The following SYNGR1 variants were observed in gnomAD, a reference collection of about 807,000 sequenced individuals.
SYNGR1 encodes synaptogyrin-1.
A neutral mutation model predicts 26.1 loss-of-function variants in SYNGR1; 14 were observed. The ratio of observed to expected loss-of-function variants is 0.54; its 90% CI spans 0.35 to 0.84. The LOEUF is 0.84. Ranked by LOEUF, SYNGR1 falls within the 40% of genes least tolerant of loss-of-function variation. SYNGR1 has a pLI of 0.01. For missense variants in SYNGR1, 319 were observed against 332.9 expected, an observed-to-expected ratio of 0.96 and a Z score of 0.33; for synonymous variants, 141 against 150.1, an observed-to-expected ratio of 0.94 and a Z score of 0.44.
chr22:39,372,908 G>A (rs1398903252), intron 1 of SYNGR1, among the ~76,000 whole-genome samples: 2 of 152,076 alleles, frequency 1.3e-5, no homozygotes, highest in African/African-American at 4.8e-5. Context: ...TTTCCAAAGG[G>A]TAGTCCAAAA....
chr22:39,385,324 A>G lies in SYNGR1; in HGVS notation c.*3410A>G, dbSNP rs980088154. 1.4e-4 allele frequency: 23 copies of G among 169,850 alleles called. 1 individual carries two copies. In the East Asian group the frequency reaches 3.5e-3, roughly 26 times the overall value. The allele number at this position is 169,850 out of a possible 1,614,324, so 10.5% of individuals were successfully genotyped here. On this transcript the variant is annotated 3_prime_UTR_variant, in exon 4 of 4. Transcript: ENST00000328933. The stretch of plus-strand genomic sequence containing the variant: ...CTGCCTGTGTATAGTATAAATATAT[A>G]TATTTTCTATATATAAGATGTATAA...
chr22:39,384,622 A>G lies in SYNGR1; in HGVS notation c.*2708A>G, dbSNP rs1925600366. On this transcript the variant is annotated 3_prime_UTR_variant, in exon 4 of 4. Transcript: ENST00000328933. ...GTTGGCAGAGGACAGCCCCTGGGGAACCCCAGGCCCAACTCTGTCCGGTAT... is the reference window on the plus strand; with the variant it reads ...GTTGGCAGAGGACAGCCCCTGGGGAGCCCCAGGCCCAACTCTGTCCGGTAT... 2 of 398,576 alleles carry G rather than the reference A, an allele frequency of 5.0e-6. No homozygotes were observed. The highest frequency in any genetic ancestry group is 4.1e-5 in the African/African-American group (2 of 48,520). 24.7% of individuals were successfully genotyped at this position (398,576 alleles called of 1,614,324 possible).
chr22:39,372,123 C>CTTTT (rs71197177), intron 1 of SYNGR1, among the ~76,000 whole-genome samples: 422 of 70,204 alleles, frequency 6.0e-3, no homozygotes, highest in Non-Finnish European at 7.1e-3. Context: ...TAGATCCATT[C>CTTTT]TTTTTTTTTT....
In SYNGR1 at chr22:39,358,064, G is replaced by C. The variant is rs997395925; in HGVS notation, c.99+7955G>C. On this transcript the variant is annotated intron_variant, in intron 1 of 3. Coordinates refer to ENST00000328933, the MANE Select transcript of SYNGR1 (RefSeq NM_004711.5). Reference sequence around the variant, plus strand: ...ACTAGGTGAAGCCAGCTGGGCTCCTGAGTCTGGTGGGGACGTGGAGAGTCT... The same window carrying C: ...ACTAGGTGAAGCCAGCTGGGCTCCTCAGTCTGGTGGGGACGTGGAGAGTCT... Among the ~76,000 whole-genome samples, 44 of 152,394 alleles carry C rather than the reference G, an allele frequency of 2.9e-4. 1 individual carries two copies. The highest frequency in any genetic ancestry group is 1.4e-3 in the South Asian group (7 of 4,834).
chr22:39,367,012 C>G (rs1924791505), intron 1 of SYNGR1, among the ~76,000 whole-genome samples: 1 of 152,236 alleles, frequency 6.6e-6, no homozygotes, highest in South Asian at 2.1e-4. Flanking sequence ...AAGGCCTTGG[C>G]ACCTGTGGCT....
intron 1 of SYNGR1, among the ~76,000 whole-genome samples, chr22:39,358,216 C>G (rs1924266349): frequency 6.6e-6 from 1 of 151,820 alleles, no homozygotes; most frequent in African/African-American, 2.4e-5. Flanking sequence ...CCTGTGTGTC[C>G]AAACTCTGTA....
chr22:39,354,747 G>A (rs1924068978), intron 1 of SYNGR1, among the ~76,000 whole-genome samples: 1 of 152,018 alleles, frequency 6.6e-6, no homozygotes, highest in Admixed American at 6.6e-5. Context: ...GCTGAGGCAG[G>A]AGAATCGCTT....
At chr22:39,366,222 C>G (rs975291759) in intron 1 of SYNGR1, among the ~76,000 whole-genome samples, 2 of 151,556 alleles carry the variant, frequency 1.3e-5, no homozygotes, top group Non-Finnish European at 2.9e-5. Context: ...CACTCACCCT[C>G]AAGTGATCCA....
At chr22:39,378,045 C>G in intron 3 of SYNGR1, 3 of 1,191,728 alleles carry the variant, frequency 2.5e-6, no homozygotes, top group Non-Finnish European at 3.2e-6. Flanking sequence ...AGGTAGCGGC[C>G]CCATACATGG....
chr22:39,358,837 G>T (rs2145610133), intron 1 of SYNGR1, among the ~76,000 whole-genome samples: 1 of 152,318 alleles, frequency 6.6e-6, no homozygotes, highest in African/African-American at 2.4e-5. Context: ...GGGCAGTCAT[G>T]CCCTGTGTTT....
chr22:39,359,671 A>G (rs955032260), intron 1 of SYNGR1, among the ~76,000 whole-genome samples: 27 of 143,450 alleles, frequency 1.9e-4, no homozygotes, highest in African/African-American at 6.8e-4. Flanking sequence ...TGCCCACCCT[A>G]GCTTGGTGTC....
rs969697078 is a variant in SYNGR1 at position 39,364,026 on chromosome 22, C to G, written c.100-10290C>G. The G allele has an allele frequency of 1.2e-5, 13 of 1,090,554 alleles. No homozygotes were observed. The African/African-American group carries it at 2.0e-4, about 17-fold the overall frequency. 67.6% of individuals were successfully genotyped at this position (1,090,554 alleles called of 1,614,324 possible). A position where few individuals can be genotyped will look rare whatever the true frequency, so the allele number is the denominator to read the frequency against. On this transcript the variant is annotated intron_variant, in intron 1 of 3. Coordinates refer to ENST00000328933, the MANE Select transcript of SYNGR1 (RefSeq NM_004711.5). The stretch of plus-strand genomic sequence containing the variant: ...CAGCCACCCCCATGCTGGCTGGGCA[C>G]AGCTCGCCCTGAGCCTTCGTTAGCC...
intron 3 of SYNGR1, chr22:39,377,191 G>A (rs946104026): frequency 1.3e-4 from 181 of 1,444,992 alleles, no homozygotes; most frequent in Non-Finnish European, 1.6e-4. Flanking sequence ...GGTTTGCCCC[G>A]GGTTGACGTC....
intron 1 of SYNGR1, among the ~76,000 whole-genome samples, chr22:39,358,421 TCTGCTCGTTGCGATAAATTTTGCTA>T (rs1924281507): frequency 6.6e-6 from 1 of 152,192 alleles, no homozygotes; most frequent in Non-Finnish European, 1.5e-5. Flanking sequence ...GCTTTGTTCG[TCTGCTCGTTGCGATAAATTTTGCTA>T]CTGCTCACTC....
chr22:39,379,290 C>T (rs1347523872), intron 3 of SYNGR1, among the ~76,000 whole-genome samples: 2 of 152,214 alleles, frequency 1.3e-5, no homozygotes, highest in African/African-American at 4.8e-5. Flanking sequence ...AAATACCCAC[C>T]TCCCAGAAAG....
chr22:39,371,205 G>A (rs1293432764), intron 1 of SYNGR1, among the ~76,000 whole-genome samples: 1 of 152,158 alleles, frequency 6.6e-6, no homozygotes, highest in African/African-American at 2.4e-5. Context: ...GGCCGGGCGT[G>A]GTGGCTGACT....
chr22:39,364,982 C>A (rs952762851), intron 1 of SYNGR1, among the ~76,000 whole-genome samples: 1 of 152,162 alleles, frequency 6.6e-6, no homozygotes, highest in African/African-American at 2.4e-5. Context: ...AGAGGCTTGG[C>A]AGGTTTACCT....
chr22:39,351,806 A>T (rs1233444160), intron 1 of SYNGR1, among the ~76,000 whole-genome samples: 1 of 152,260 alleles, frequency 6.6e-6, no homozygotes. Context: ...GGAGTGAGCC[A>T]GGTGCCCCCA....
At position 39,385,471 on chromosome 22, in the gene SYNGR1, G is replaced by C. The variant is rs1925634688; in HGVS notation, c.*3557G>C. On this transcript the variant is annotated 3_prime_UTR_variant, in exon 4 of 4. Coordinates refer to ENST00000328933, the MANE Select transcript of SYNGR1 (RefSeq NM_004711.5). Reference sequence around the variant, plus strand: ...CCTGGTTAAGTCTCGAGTGAATCCAGTGGCCCCGTGGCACCCTCCTTTATG... The same window carrying C: ...CCTGGTTAAGTCTCGAGTGAATCCACTGGCCCCGTGGCACCCTCCTTTATG... 6.6e-6 allele frequency: 1 copy of C among 152,670 alleles called. No homozygotes were observed. The highest frequency in any genetic ancestry group is 1.5e-5 in the Non-Finnish European group (1 of 68,062). The allele number at this position is 152,670 out of a possible 1,614,324, so 9.5% of individuals were successfully genotyped here.
Sources: allele counts gnomAD v4.1 joint callset (sites outside exome capture counted in the v4.1 genomes callset), GRCh38; gene constraint gnomAD v4.1.1; transcripts MANE v1.5; gene names NCBI Gene and HGNC (gene_info 2026-07-23, HGNC 2026-07-21).